RBM46: variants seen among roughly 807,000 people sequenced by gnomAD.
RBM46 encodes the protein RNA binding motif protein 46, also known as probable RNA-binding protein 46.
In RBM46, 12 loss-of-function variants were observed where a neutral mutation model predicts 43.3. The ratio of observed to expected loss-of-function variants is 0.28; its 90% CI spans 0.18 to 0.45. The LOEUF (loss-of-function observed/expected upper bound fraction) is 0.45, where lower values mean the gene tolerates loss of function less well. Ranked by LOEUF, RBM46 falls within the 20% of genes least tolerant of loss-of-function variation. The pLI is 1.00. For synonymous variants in RBM46, 205 were observed against 207.6 expected (o/e 0.99, Z 0.11); for missense variants, 412 against 639.1 (o/e 0.64, Z 3.83).
chr4:154,817,268 G>A (rs1229691044), intron 4 of RBM46, among the ~76,000 whole-genome samples: 1 of 150,956 alleles, frequency 6.6e-6, no homozygotes, highest in African/African-American at 2.4e-5. Context: ...CTTTTATTAA[G>A]GTTACAAATA....
At chr4:154,814,535 T>G (rs1735333517) in intron 4 of RBM46, among the ~76,000 whole-genome samples, 1 of 152,010 alleles carries the variant, frequency 6.6e-6, no homozygotes, top group Non-Finnish European at 1.5e-5. Flanking sequence ...TTCTTATACA[T>G]TGGTAATTTA....
rs369463257 is a variant in RBM46 at position 154,822,630 on chromosome 4, ATAGT to A, written c.1403-5231_1403-5228del. 4.9e-3 allele frequency among the ~76,000 whole-genome samples: 745 copies of A among 151,572 alleles called. 2 individuals carry two copies. The highest frequency in any genetic ancestry group is 7.6e-3 in the Non-Finnish European group (516 of 67,632). On this transcript the variant is annotated intron_variant, in intron 4 of 4. Coordinates refer to ENST00000281722, the MANE Select transcript of RBM46 (RefSeq NM_144979.5). ...GTTTGAGTGAAAGTAAGTTATTGAGATAGTTAGTTATGGTTATTGAATGTTAGAA... is the reference window on the plus strand; with the variant it reads ...GTTTGAGTGAAAGTAAGTTATTGAGATAGTTATGGTTATTGAATGTTAGAA...
intron 4 of RBM46, among the ~76,000 whole-genome samples, chr4:154,806,670 A>G (rs992144482): frequency 8.6e-5 from 13 of 151,790 alleles, no homozygotes; most frequent in Non-Finnish European, 1.0e-4. Flanking sequence ...ATAAATAAAT[A>G]AAAGATTCAG....
At chr4:154,785,053 G>T (rs748939529) in intron 1 of RBM46, among the ~76,000 whole-genome samples, 1 of 151,952 alleles carries the variant, frequency 6.6e-6, no homozygotes, top group African/African-American at 2.4e-5. Context: ...AATTATACAC[G>T]TGCATATATT....
At chr4:154,818,039 G>A (rs1330469381) in intron 4 of RBM46, among the ~76,000 whole-genome samples, 6 of 151,904 alleles carry the variant, frequency 3.9e-5, no homozygotes, top group African/African-American at 9.7e-5. Flanking sequence ...TACAATTTAT[G>A]TAGTGTCATT....
intron 4 of RBM46, among the ~76,000 whole-genome samples, chr4:154,802,663 T>C (rs1472347878): frequency 7.0e-6 from 1 of 143,814 alleles, no homozygotes; most frequent in African/African-American, 2.4e-5. Flanking sequence ...CTAGAGTTTC[T>C]CAAACGAAGT....
chr4:154,806,734 C>T (rs1295559713), intron 4 of RBM46, among the ~76,000 whole-genome samples: 1 of 151,766 alleles, frequency 6.6e-6, no homozygotes, highest in Non-Finnish European at 1.5e-5. Context: ...CAGTTATTTT[C>T]TTCTCTGAAT....
At chr4:154,808,443 T>G (rs1214158533) in intron 4 of RBM46, among the ~76,000 whole-genome samples, 1 of 152,052 alleles carries the variant, frequency 6.6e-6, no homozygotes, top group Non-Finnish European at 1.5e-5. Flanking sequence ...GCCCATTTAC[T>G]TAATTTTTTT....
intron 4 of RBM46, 122 bp from the exon 5 acceptor site, chr4:154,827,746 T>C (rs1736032862): frequency 6.5e-7 from 1 of 1,528,016 alleles, no homozygotes; most frequent in African/African-American, 1.4e-5. Context: ...TATAGTATCA[T>C]CAAGATTTCC....
At chr4:154,794,044 ATCTC>A (rs1734226484) in intron 1 of RBM46, among the ~76,000 whole-genome samples, 1 of 152,158 alleles carries the variant, frequency 6.6e-6, no homozygotes, top group South Asian at 2.1e-4. Context: ...TTGCCTGTTT[ATCTC>A]ACAGTATGTC....
intron 1 of RBM46, among the ~76,000 whole-genome samples, chr4:154,783,302 A>T (rs1733596713): frequency 1.3e-5 from 2 of 152,130 alleles, no homozygotes; most frequent in South Asian, 4.1e-4. Flanking sequence ...GCATTACTGG[A>T]TATATTATGA....
chr4:154,803,249 C>T (rs376823724), intron 4 of RBM46, among the ~76,000 whole-genome samples: 2 of 152,052 alleles, frequency 1.3e-5, no homozygotes, highest in South Asian at 4.1e-4. Flanking sequence ...AAGCAAAATA[C>T]CCTTAATAAA....
chr4:154,820,967 A>T (rs981354100), intron 4 of RBM46, among the ~76,000 whole-genome samples: 5 of 151,798 alleles, frequency 3.3e-5, no homozygotes, highest in Non-Finnish European at 7.4e-5. Flanking sequence ...GTTTTCTAGG[A>T]TGTAATTCAT....
chr4:154,797,289 G>A (rs982083960), intron 2 of RBM46, among the ~76,000 whole-genome samples: 3 of 152,074 alleles, frequency 2.0e-5, no homozygotes, highest in African/African-American at 4.8e-5. Flanking sequence ...TAGAATGTTC[G>A]ACTTTTCTAC....
intron 4 of RBM46, among the ~76,000 whole-genome samples, chr4:154,815,237 T>C (rs1332931097): frequency 4.6e-5 from 7 of 152,044 alleles, no homozygotes; most frequent in Non-Finnish European, 1.0e-4. Context: ...GATGAAAATA[T>C]AAAGAACTAT....
chr4:154,804,814 G>GTTTT (rs575968520), intron 4 of RBM46, among the ~76,000 whole-genome samples: 24 of 112,834 alleles, frequency 2.1e-4, no homozygotes, highest in South Asian at 6.2e-4. Context: ...GATTAAGGTT[G>GTTTT]TTTTTTTTTT....
chr4:154,819,731 C>T (rs904455678), intron 4 of RBM46, among the ~76,000 whole-genome samples: 5 of 151,950 alleles, frequency 3.3e-5, no homozygotes, highest in African/African-American at 1.2e-4. Context: ...CTTTTATACA[C>T]AATTTCTTAG....
At chr4:154,820,502 C>G in intron 4 of RBM46, 1 of 752,704 alleles carries the variant, frequency 1.3e-6, no homozygotes, top group Non-Finnish European at 2.0e-6. Context: ...TCAAATTGTT[C>G]TTTATAATGA....
chr4:154,782,577 G>A (rs904632235), intron 1 of RBM46, among the ~76,000 whole-genome samples: 3 of 152,258 alleles, frequency 2.0e-5, no homozygotes, highest in African/African-American at 7.2e-5. Flanking sequence ...TCCGCCTACC[G>A]GGTTCAAGCG....
Sources: gnomAD v4.1 joint callset for allele counts (sites outside exome capture counted in the v4.1 genomes callset) on GRCh38, gnomAD v4.1.1 for gene constraint, MANE v1.5 for transcripts, NCBI Gene and HGNC (gene_info 2026-07-23, HGNC 2026-07-21) for gene names.